Variants in DSCAM observed in about 807,000 individuals in gnomAD.
DSCAM encodes the protein cell adhesion molecule DSCAM.
Under a neutral mutation model 217.7 loss-of-function variants are expected in DSCAM, and 47 were observed. That is an observed-to-expected ratio of 0.22 (90% CI 0.17 to 0.28). DSCAM has a LOEUF of 0.28. DSCAM is among the 10% of genes least tolerant of loss of function. DSCAM has a pLI of 1.00. For synonymous variants in DSCAM, 1,056 were observed against 1,015.3 expected, an observed-to-expected ratio of 1.04 and a Z score of -0.76; for missense variants, 2,080 against 2,618.3, an observed-to-expected ratio of 0.79 and a Z score of 4.49.
rs1378103702 is a variant in DSCAM at position 40,078,746 on chromosome 21, C to T, written c.4652G>A (p.Cys1551Tyr). The T allele has an allele frequency of 1.2e-6, 2 of 1,614,228 alleles. No individual in the cohort carries two copies. The highest frequency in any genetic ancestry group is 2.2e-5 in the South Asian group (2 of 91,082). ...CTTCTCCGCGCAGCCCGCACTGTTG[C>T]ACACCCGCATCTGCAGCTCATACCA... ...ATWYELQMRV[C>Y]NSAGCAEKQA... is the part of the protein sequence containing the mutation. The change falls in exon 26 of 33, where the codon TGC becomes TAC. Residue 1551 changes from cysteine to tyrosine, a missense_variant. Physicochemically the swap from Cys to Tyr is radical, Grantham distance 194. Coordinates refer to ENST00000400454, the MANE Select transcript of DSCAM (RefSeq NM_001389.5).
At chr21:40,600,967 G>T (rs1404541849) in intron 3 of DSCAM, among the ~76,000 whole-genome samples, 1 of 152,162 alleles carries the variant, frequency 6.6e-6, no homozygotes, top group Non-Finnish European at 1.5e-5. Context: ...GGTAATGTCA[G>T]TTCTCTCATG....
Position 40,075,001 on chromosome 21 carries a change from G to A in DSCAM, c.4888+36C>T, listed in dbSNP as rs772252904. On this transcript the variant is annotated intron_variant, in intron 27 of 32. Transcript: ENST00000400454. ...CTCCCATTGGCTGCAGAGCAGCAGG[G>A]GACACGCGTAGGTGGACAGCTGGGC... The A allele has an allele frequency of 2.2e-5, 36 of 1,608,044 alleles. No individual in the cohort carries two copies. The East Asian group carries it at 4.7e-4, about 21-fold the overall frequency.
At chr21:40,528,725 T>C (rs2076419389) in intron 3 of DSCAM, among the ~76,000 whole-genome samples, 1 of 152,076 alleles carries the variant, frequency 6.6e-6, no homozygotes, top group Non-Finnish European at 1.5e-5. Flanking sequence ...CCATCTGTCC[T>C]TTGTTTTTGC....
At chr21:40,523,789 A>C (rs1458116751) in intron 3 of DSCAM, among the ~76,000 whole-genome samples, 1 of 152,124 alleles carries the variant, frequency 6.6e-6, no homozygotes, top group Admixed American at 6.5e-5. Flanking sequence ...TAGAGCACAC[A>C]GTAACACACA....
At chr21:40,109,640 C>A (rs1006899374) in intron 20 of DSCAM, among the ~76,000 whole-genome samples, 1 of 152,228 alleles carries the variant, frequency 6.6e-6, no homozygotes, top group African/African-American at 2.4e-5. Context: ...CCAGGAAGCA[C>A]AAGGGTTCAG....
intron 3 of DSCAM, among the ~76,000 whole-genome samples, chr21:40,523,646 C>A (rs1368008786): frequency 6.6e-6 from 1 of 152,192 alleles, no homozygotes; most frequent in African/African-American, 2.4e-5. Flanking sequence ...ATTCTCCAAG[C>A]CCAGGTGTGA....
chr21:40,754,613 G>A (rs1044634196), intron 1 of DSCAM, among the ~76,000 whole-genome samples: 3 of 152,166 alleles, frequency 2.0e-5, no homozygotes, highest in African/African-American at 7.2e-5. Flanking sequence ...CACTGGCCGT[G>A]GCTGCTCTCA....
At chr21:40,789,757 G>A (rs1010208627) in intron 1 of DSCAM, among the ~76,000 whole-genome samples, 2 of 151,960 alleles carry the variant, frequency 1.3e-5, no homozygotes, top group African/African-American at 4.8e-5. Context: ...GGGTTTCACC[G>A]TGTTAGCCAG....
chr21:40,365,005 T>C (rs2074816674), intron 4 of DSCAM, among the ~76,000 whole-genome samples: 1 of 150,536 alleles, frequency 6.6e-6, no homozygotes, highest in Admixed American at 6.6e-5. Flanking sequence ...ATAAACATAA[T>C]CACTTTTCAC....
At chr21:40,364,186 C>T (rs2074801226) in intron 4 of DSCAM, among the ~76,000 whole-genome samples, 1 of 151,950 alleles carries the variant, frequency 6.6e-6, no homozygotes, top group South Asian at 2.1e-4. Context: ...GGGTATATAC[C>T]CAAAGTAATA....
At chr21:40,717,734 C>A (rs2090857669) in intron 1 of DSCAM, among the ~76,000 whole-genome samples, 1 of 152,128 alleles carries the variant, frequency 6.6e-6, no homozygotes, top group Non-Finnish European at 1.5e-5. Flanking sequence ...GGTGAAGGCA[C>A]CTTATCTGTG....
intron 1 of DSCAM, among the ~76,000 whole-genome samples, chr21:40,845,287 T>C (rs1052287919): frequency 6.6e-6 from 1 of 152,230 alleles, no homozygotes; most frequent in Non-Finnish European, 1.5e-5. Flanking sequence ...TAGTACCTTC[T>C]TTCAACTCTA....
chr21:40,223,318 C>G (rs364721), intron 11 of DSCAM, among the ~76,000 whole-genome samples: 73,780 of 152,126 alleles, frequency 0.48, 18,451 homozygotes, highest in African/African-American at 0.59. Context: ...CCTGAGAGCC[C>G]CCATTCAAGT....
rs116682885 is a variant in DSCAM, at chr21:40,703,535, C to T, written c.361+4919G>A. On this transcript the variant is annotated intron_variant, in intron 2 of 32. Coordinates refer to ENST00000400454, the MANE Select transcript of DSCAM (RefSeq NM_001389.5). ...CCCTGTCTCATAAAACACACATATA[C>T]ACACATCCACACACACACACACCCA... Among the ~76,000 whole-genome samples the T allele has an allele frequency of 4.8e-3, 729 of 152,160 alleles. 3 individuals are homozygous for T. The highest frequency in any genetic ancestry group is 0.017 in the African/African-American group (687 of 41,506).
intron 2 of DSCAM, among the ~76,000 whole-genome samples, chr21:40,695,552 G>A (rs1403797910): frequency 2.6e-5 from 4 of 152,152 alleles, no homozygotes; most frequent in Admixed American, 2.6e-4. Context: ...GTGGTGATCT[G>A]AACCCCAGCT....
chr21:40,784,788 C>G (rs777005711), intron 1 of DSCAM, among the ~76,000 whole-genome samples: 1 of 152,146 alleles, frequency 6.6e-6, no homozygotes, highest in Non-Finnish European at 1.5e-5. Context: ...GGAAGCAGGC[C>G]CTAACCAGAT....
intron 32 of DSCAM, among the ~76,000 whole-genome samples, chr21:40,032,236 G>A (rs371920765): frequency 9.2e-5 from 14 of 152,250 alleles, no homozygotes; most frequent in South Asian, 2.1e-4. Context: ...CTCATGGATC[G>A]TTCCATAGTG....
intron 3 of DSCAM, among the ~76,000 whole-genome samples, chr21:40,513,760 A>C (rs1407130981): frequency 1.3e-5 from 2 of 152,190 alleles, no homozygotes; most frequent in Non-Finnish European, 2.9e-5. Flanking sequence ...GTAGGGACAA[A>C]TATCCAAACT....
intron 17 of DSCAM, 45 bp from the exon 18 acceptor site, chr21:40,142,749 T>A: frequency 6.6e-7 from 1 of 1,526,400 alleles, no homozygotes; most frequent in South Asian, 1.2e-5. Flanking sequence ...GGGTGGTTTA[T>A]GAGCAAAGCA....
Sources: gnomAD v4.1 joint callset for allele counts (sites outside exome capture counted in the v4.1 genomes callset) on GRCh38, gnomAD v4.1.1 for gene constraint, MANE v1.5 for transcripts, NCBI Gene and HGNC (gene_info 2026-07-23, HGNC 2026-07-21) for gene names.